BORCS5: variants seen among roughly 807,000 people sequenced by gnomAD.
BORCS5 encodes BLOC-1 related complex subunit 5.
A neutral mutation model predicts 22.1 loss-of-function variants in BORCS5; 17 were observed. The ratio of observed to expected loss-of-function variants is 0.77; its 90% CI spans 0.53 to 1.15. The LOEUF (loss-of-function observed/expected upper bound fraction) is 1.15. Ranked by LOEUF, BORCS5 falls within the 50% of genes most tolerant of loss-of-function variation. The probability of loss-of-function intolerance (pLI) is 0.00; values close to 1 mark genes in which losing one functional copy is unlikely to be tolerated. For missense variants in BORCS5, 247 were observed against 253.2 expected, an observed-to-expected ratio of 0.98 and a Z score of 0.17; for synonymous variants, 117 against 99.8, an observed-to-expected ratio of 1.17 and a Z score of -1.03.
intron 3 of BORCS5, among the ~76,000 whole-genome samples, chr12:12,450,534 A>T (rs549289856): frequency 1.3e-5 from 2 of 152,348 alleles, no homozygotes; most frequent in East Asian, 3.9e-4. Flanking sequence ...AAAAGTAAAC[A>T]CCAAAGTGTT....
chr12:12,377,242 A>C (rs1449752499), intron 2 of BORCS5, among the ~76,000 whole-genome samples: 2 of 141,854 alleles, frequency 1.4e-5, no homozygotes, highest in African/African-American at 5.3e-5. Flanking sequence ...CAGTGGTGTG[A>C]TCTTGGCTCA....
intron 2 of BORCS5, among the ~76,000 whole-genome samples, chr12:12,370,249 C>G (rs1863497090): frequency 6.6e-6 from 1 of 152,016 alleles, no homozygotes; most frequent in African/African-American, 2.4e-5. Context: ...ATCCCTTTCT[C>G]CAGTTTCCAT....
intron 2 of BORCS5, among the ~76,000 whole-genome samples, chr12:12,414,923 A>C (rs2136094072): frequency 7.0e-6 from 1 of 143,654 alleles, no homozygotes. Flanking sequence ...GCGGCGGGGC[A>C]GAGGTGCTCC....
chr12:12,401,635 A>G (rs894945412), intron 2 of BORCS5, among the ~76,000 whole-genome samples: 4 of 152,164 alleles, frequency 2.6e-5, no homozygotes, highest in Non-Finnish European at 4.4e-5. Context: ...ATAACTTGCT[A>G]TATTTTTCCT....
At chr12:12,377,082 AT>A (rs1863671052) in intron 2 of BORCS5, among the ~76,000 whole-genome samples, 1 of 152,104 alleles carries the variant, frequency 6.6e-6, no homozygotes, top group South Asian at 2.1e-4. Flanking sequence ...AGTGACCTTA[AT>A]TTTTTGGAGA....
chr12:12,453,772 T>C (rs1199010727), intron 3 of BORCS5, among the ~76,000 whole-genome samples: 1 of 152,244 alleles, frequency 6.6e-6, no homozygotes. Context: ...TACACCACTA[T>C]GTAATTCCAG....
At chr12:12,398,932 G>A (rs1167268201) in intron 2 of BORCS5, among the ~76,000 whole-genome samples, 1 of 152,204 alleles carries the variant, frequency 6.6e-6, no homozygotes, top group Non-Finnish European at 1.5e-5. Context: ...GACGGTTGGG[G>A]TGCTACTGGC....
chr12:12,457,118 T>C (rs187627392), intron 3 of BORCS5, among the ~76,000 whole-genome samples: 274 of 152,348 alleles, frequency 1.8e-3, no homozygotes, highest in Non-Finnish European at 3.4e-3. Context: ...TTATCACTTA[T>C]GGAGCTCCTT....
Position 12,357,367 on chromosome 12 carries a change from G to A in BORCS5, c.-85G>A. ...AGACTCTGCTTTGCCTCCCCGTCCCGGTCCCTGGCCCCTGCCCTGTCGCCC... is the reference window on the plus strand; with the variant it reads ...AGACTCTGCTTTGCCTCCCCGTCCCAGTCCCTGGCCCCTGCCCTGTCGCCC... On this transcript the variant is annotated 5_prime_UTR_variant, in exon 1 of 4. Coordinates refer to ENST00000314565, the MANE Select transcript of BORCS5 (RefSeq NM_058169.6). 2 of 1,533,814 alleles carry A rather than the reference G, an allele frequency of 1.3e-6. No homozygotes were observed. Among genetic ancestry groups the A allele is most frequent in the South Asian group, 1.2e-5 (1 of 82,738 alleles).
At chr12:12,384,768 G>A (rs1018541035) in intron 2 of BORCS5, among the ~76,000 whole-genome samples, 1 of 151,184 alleles carries the variant, frequency 6.6e-6, no homozygotes, top group Non-Finnish European at 1.5e-5. Context: ...ATTCTGGAAG[G>A]GCTCAGCTGG....
rs148876081 is a variant in BORCS5, at chr12:12,416,161, G to A, written c.203-19467G>A. ...AAGTCATTTTTATTCCCATAGAATCGGTATTAATGTACACACTTTCTCGTT... is the reference window on the plus strand; with the variant it reads ...AAGTCATTTTTATTCCCATAGAATCAGTATTAATGTACACACTTTCTCGTT... On this transcript the variant is annotated intron_variant, in intron 2 of 3. Coordinates refer to ENST00000314565, the MANE Select transcript of BORCS5 (RefSeq NM_058169.6). 2.0e-3 allele frequency among the ~76,000 whole-genome samples: 307 copies of A among 152,080 alleles called. 2 individuals are homozygous for A. Among genetic ancestry groups the A allele is most frequent in the African/African-American group, 7.1e-3 (294 of 41,508 alleles).
In BORCS5 at chr12:12,357,116, C is replaced by A. The variant is rs959248113; in HGVS notation, c.-336C>A. ...AAGGAGCGAGCTTGCGGAGCGTGAACCAGTGAGTGAAAGCGGCGCCGCCCG... is the reference window on the plus strand; with the variant it reads ...AAGGAGCGAGCTTGCGGAGCGTGAAACAGTGAGTGAAAGCGGCGCCGCCCG... On this transcript the variant is annotated 5_prime_UTR_variant, in exon 1 of 4. Coordinates refer to ENST00000314565, the MANE Select transcript of BORCS5 (RefSeq NM_058169.6). 2 of 1,534,680 alleles carry A rather than the reference C, an allele frequency of 1.3e-6. No individual in the cohort carries two copies. Among genetic ancestry groups the A allele is most frequent in the Non-Finnish European group, 1.7e-6 (2 of 1,146,244 alleles).
chr12:12,408,331 G>A (rs1030706532), intron 2 of BORCS5, among the ~76,000 whole-genome samples: 2 of 152,128 alleles, frequency 1.3e-5, no homozygotes, highest in African/African-American at 4.8e-5. Flanking sequence ...TGGAATTGCT[G>A]GGTCATGTGG....
chr12:12,462,802 G>T (rs926467730), intron 3 of BORCS5, among the ~76,000 whole-genome samples: 1 of 152,180 alleles, frequency 6.6e-6, no homozygotes, highest in South Asian at 2.1e-4. Context: ...GACTATAGGC[G>T]CACACTGCCA....
At chr12:12,426,561 G>A (rs1302453074) in intron 2 of BORCS5, among the ~76,000 whole-genome samples, 1 of 152,192 alleles carries the variant, frequency 6.6e-6, no homozygotes, top group Non-Finnish European at 1.5e-5. Flanking sequence ...ATGGCCAAAT[G>A]GGTGCCTAAC....
chr12:12,453,654 T>C (rs1236383958), intron 3 of BORCS5, among the ~76,000 whole-genome samples: 1 of 152,220 alleles, frequency 6.6e-6, no homozygotes, highest in Non-Finnish European at 1.5e-5. Flanking sequence ...TGAATGTATT[T>C]GAATACACTT....
At chr12:12,453,068 G>T (rs1302570429) in intron 3 of BORCS5, among the ~76,000 whole-genome samples, 1 of 152,160 alleles carries the variant, frequency 6.6e-6, no homozygotes, top group Non-Finnish European at 1.5e-5. Flanking sequence ...CAAGCACCGG[G>T]TTTGCAAACT....
intron 2 of BORCS5, among the ~76,000 whole-genome samples, chr12:12,396,747 T>C (rs1941357753): frequency 6.6e-6 from 1 of 152,204 alleles, no homozygotes; most frequent in African/African-American, 2.4e-5. Flanking sequence ...GAATTTACGG[T>C]ACTCATGTTG....
At chr12:12,462,636 C>T (rs1432826013) in intron 3 of BORCS5, among the ~76,000 whole-genome samples, 2 of 150,210 alleles carry the variant, frequency 1.3e-5, no homozygotes, top group Non-Finnish European at 3.0e-5. Context: ...TTAGATTGCC[C>T]TGTCTGAAGC....
Sources: gnomAD v4.1 joint callset for allele counts (sites outside exome capture counted in the v4.1 genomes callset) on GRCh38, gnomAD v4.1.1 for gene constraint, MANE v1.5 for transcripts, NCBI Gene and HGNC (gene_info 2026-07-23, HGNC 2026-07-21) for gene names.